Variants in TPR observed in about 807,000 individuals in gnomAD.
The protein encoded by TPR is nucleoprotein TPR.
TPR carries 51 observed loss-of-function variants against 316.1 expected under a neutral mutation model. The observed-to-expected ratio is 0.16, with a 90% CI of 0.13 to 0.20. The LOEUF (loss-of-function observed/expected upper bound fraction) is 0.20. Among genes scored for constraint, TPR ranks in the 10% least tolerant of loss-of-function variants. The pLI, the probability that TPR is intolerant of heterozygous loss-of-function variation, is 1.00. For missense variants in TPR, 2,272 were observed against 2,754.8 expected (o/e 0.82, Z 3.92); for synonymous variants, 981 against 914.7 (o/e 1.07, Z -1.31).
Position 186,360,879 on chromosome 1 carries a change from G to A in TPR, c.985C>T (p.Leu329=). The part of the protein sequence containing the change: ...EANKAIQDHL[L]EVEQSKDQME... ...TGATCTTTGGATTGCTCCACCTCTA[G>A]AAGATGATCTTGTATTGCTTTGTTG... is the stretch of plus-strand genomic sequence containing the variant. The change falls in exon 10 of 51, where the codon CTA becomes TTA. Residue 329 remains leucine (L), a synonymous_variant. Coordinates refer to ENST00000367478, the MANE Select transcript of TPR (RefSeq NM_003292.3). The A allele has an allele frequency of 6.2e-7, 1 of 1,612,418 alleles. No individual in the cohort carries two copies. The highest frequency in any genetic ancestry group is 1.1e-5 in the South Asian group (1 of 91,008).
In TPR at chr1:186,363,365, G is replaced by C. The variant is rs566478841; in HGVS notation, c.508C>G (p.Gln170Glu). The part of the protein sequence containing the change: ...GELQLKLDEL[Q>E]ASDVSVKYRE... ...GCCTTAACAGAAACATCAGAAGCTTGAAGTTCATCCAATTTTAACTGAAGT... is the reference window on the plus strand; with the variant it reads ...GCCTTAACAGAAACATCAGAAGCTTCAAGTTCATCCAATTTTAACTGAAGT... Residue 170 changes from glutamine to glutamate, a missense_variant, in exon 5 of 51, where the codon CAA becomes GAA. Physicochemically the swap from Gln to Glu is conservative, Grantham distance 29 (BLOSUM62 2). Coordinates refer to ENST00000367478, the MANE Select transcript of TPR (RefSeq NM_003292.3). 4 of 1,612,622 alleles carry C rather than the reference G, an allele frequency of 2.5e-6. No individual in the cohort carries two copies. The highest frequency in any genetic ancestry group is 3.4e-6 in the Non-Finnish European group (4 of 1,179,048).
Position 186,312,721 on chromosome 1 carries a change from T to C in TPR, c.*1250A>G. ...AGATGTCTGGCTCTTTCCAAGATAG[T>C]ACATTGCCTTTTAATCTGGTATCTT... On this transcript the variant is annotated 3_prime_UTR_variant, in exon 51 of 51. Transcript: ENST00000367478. 6.3e-7 allele frequency: 1 copy of C among 1,589,998 alleles called. No homozygotes were observed. The highest frequency in any genetic ancestry group is 8.6e-7 in the Non-Finnish European group (1 of 1,158,546).
In TPR at chr1:186,323,827, C is replaced by G; in HGVS notation, c.6156G>C (p.Glu2052Asp). Residue 2052 changes from glutamate to aspartate, a missense_variant, in exon 43 of 51, where the codon GAG (glutamate) becomes GAC (aspartate). Glu to Asp is a conservative substitution (Grantham distance 45, BLOSUM62 2). This residue lies in a region of TPR where 435 missense variants were observed against 461.1 expected (regional missense o/e 0.94). Coordinates refer to ENST00000367478, the MANE Select transcript of TPR (RefSeq NM_003292.3). ...TGAAESSFSQ[E>D]VSREQQPSSA... ...ATGATGGCTGTTGTTCTCTAGAAAC[C>G]TCCTGAGAAAAAGAAGATTCTGCAG... The G allele has an allele frequency of 6.4e-7, 1 of 1,551,026 alleles. No individual in the cohort carries two copies. Among genetic ancestry groups the G allele is most frequent in the Non-Finnish European group, 8.6e-7 (1 of 1,157,714 alleles).
intron 21 of TPR, 47 bp downstream of exon 21, chr1:186,350,176 A>G: frequency 6.8e-7 from 1 of 1,475,740 alleles, no homozygotes; most frequent in Non-Finnish European, 9.1e-7. Flanking sequence ...TAATCCCAAG[A>G]AGTACTTGTT....
At position 186,325,847 on chromosome 1, in the gene TPR, T is replaced by C. The variant is rs1365353419; in HGVS notation, c.6029A>G (p.Asp2010Gly). The change falls in exon 42 of 51, where the codon GAT (aspartate) becomes GGT (glycine). Residue 2010 changes from aspartate to glycine, a missense_variant. Transcript: ENST00000367478. The stretch of plus-strand genomic sequence containing the variant: ...TGTTTCTGTACCTGGATCAGTCCCA[T>C]CACCACCCTAAAAACAAAACGTGGT... Reference protein sequence around the residue: ...GYEADDAEGGDGTDPGTETEE... With the variant: ...GYEADDAEGGGGTDPGTETEE... The C allele has an allele frequency of 6.2e-7, 1 of 1,613,162 alleles. No individual in the cohort carries two copies. Among genetic ancestry groups the C allele is most frequent in the Admixed American group, 1.7e-5 (1 of 59,832 alleles).
chr1:186,318,871 T>C (rs74366715), intron 46 of TPR, 43 bp from the exon 47 acceptor site: 2 of 1,579,586 alleles, frequency 1.3e-6, no homozygotes, highest in Non-Finnish European at 1.7e-6. Context: ...GAAAAAAACA[T>C]AAAATTATCA....
rs1439864185 is a variant in TPR, at chr1:186,327,068, TAA to T, written c.5889+390_5889+391del. Among the ~76,000 whole-genome samples, 29 of 27,780 alleles carry T rather than the reference TAA, an allele frequency of 1.0e-3. 11 individuals carry two copies. The highest frequency in any genetic ancestry group is 3.1e-3 in the African/African-American group (20 of 6,506). 18.2% of individuals were successfully genotyped at this position (27,780 alleles called of 152,430 possible). ...AAATATATAACATATATATTATATA[TAA>T]ATATATATAAATATATAACATATAT... On this transcript the variant is annotated intron_variant, in intron 40 of 50. Coordinates refer to ENST00000367478, the MANE Select transcript of TPR (RefSeq NM_003292.3).
intron 3 of TPR, among the ~76,000 whole-genome samples, chr1:186,370,383 G>T (rs1016135996): frequency 4.6e-5 from 7 of 151,856 alleles, no homozygotes; most frequent in African/African-American, 1.7e-4. Context: ...AGTTTTCTTG[G>T]GTATTGAGTC....
intron 37 of TPR, 46 bp downstream of exon 37, chr1:186,333,076 A>G (rs1558000436): frequency 1.3e-5 from 21 of 1,590,482 alleles, no homozygotes; most frequent in Non-Finnish European, 1.7e-5. Flanking sequence ...TCAAGATCTT[A>G]TAAATGCATA....
intron 5 of TPR, 133 bp downstream of exon 5, chr1:186,363,209 G>A (rs918295526): frequency 3.1e-6 from 3 of 981,372 alleles, no homozygotes; most frequent in Non-Finnish European, 4.5e-6. Context: ...TTGTCCTAAT[G>A]CTTAATTTTC....
rs201544379 is a variant in TPR at position 186,322,503 on chromosome 1, T to C, written c.6366+15A>G. 6.2e-7 allele frequency: 1 copy of C among 1,613,492 alleles called. No homozygotes were observed. On this transcript the variant is annotated intron_variant, in intron 44 of 50. Transcript: ENST00000367478. Reference sequence around the variant, plus strand: ...CAAGAAATGAATTACTTTTACATAATGGGTAAGTACTTACCATGCCACCTA... The same window carrying C: ...CAAGAAATGAATTACTTTTACATAACGGGTAAGTACTTACCATGCCACCTA...
At chr1:186,329,897 G>T (rs1658108313) in intron 39 of TPR, among the ~76,000 whole-genome samples, 1 of 152,090 alleles carries the variant, frequency 6.6e-6, no homozygotes, top group Non-Finnish European at 1.5e-5. Context: ...ACTGTTTCAA[G>T]CTTAGGACAG....
chr1:186,366,400 T>C (rs1217402028), intron 4 of TPR, among the ~76,000 whole-genome samples: 8 of 152,226 alleles, frequency 5.3e-5, no homozygotes, highest in Non-Finnish European at 1.0e-4. Flanking sequence ...GCACAGTATA[T>C]AATACAGATC....
At chr1:186,323,451 T>C (rs892084087) in intron 43 of TPR, among the ~76,000 whole-genome samples, 1 of 152,196 alleles carries the variant, frequency 6.6e-6, no homozygotes, top group Non-Finnish European at 1.5e-5. Flanking sequence ...TTATTTGCTA[T>C]GACTATAACC....
intron 13 of TPR, 120 bp downstream of exon 13, chr1:186,358,423 A>G: frequency 1.4e-6 from 1 of 691,440 alleles, no homozygotes; most frequent in South Asian, 2.1e-5. Flanking sequence ...CTCGAGTACT[A>G]TTCCTAATTA....
intron 35 of TPR, 108 bp downstream of exon 35, chr1:186,334,960 G>A (rs941164422): frequency 8.6e-6 from 10 of 1,156,862 alleles, no homozygotes; most frequent in Non-Finnish European, 1.2e-5. Flanking sequence ...TTTAGTGTAT[G>A]TTTTTACAAT....
Position 186,350,095 on chromosome 1 carries a change from T to G in TPR, c.2776+128A>C, listed in dbSNP as rs115878910. ...ACCACTATATAAAGAAAAAGTTGGG[T>G]TTTTTTTTGTGTTTGTTTCATTTTA... On this transcript the variant is annotated intron_variant, in intron 21 of 50. Coordinates refer to ENST00000367478, the MANE Select transcript of TPR (RefSeq NM_003292.3). The G allele has an allele frequency of 5.4e-4, 498 of 929,692 alleles. 2 individuals carry two copies. The African/African-American group carries it at 6.9e-3, about 13-fold the overall frequency. The allele number at this position is 929,692 out of a possible 1,614,324, so 57.6% of individuals were successfully genotyped here.
chr1:186,362,785 A>G (rs1237744354), intron 6 of TPR, 52 bp downstream of exon 6: 2 of 1,458,832 alleles, frequency 1.4e-6, no homozygotes, highest in East Asian at 2.3e-5. Context: ...AAACTGACAT[A>G]CAAATGTAAG....
rs1208940090 is a variant in TPR at position 186,345,590 on chromosome 1, C to G, written c.3203G>C (p.Cys1068Ser). The G allele has an allele frequency of 1.2e-6, 2 of 1,612,590 alleles. No individual in the cohort carries two copies. The highest frequency in any genetic ancestry group is 2.7e-5 in the African/African-American group (2 of 75,002). Reference protein sequence around the residue: ...LSNEQQARRDCQEQAKIAVEA... With the variant: ...LSNEQQARRDSQEQAKIAVEA... ...ATTGGCTATACTTACTTGTTCCTGA[C>G]AGTCACGTCTGGCTTGCTGCTCATT... is the stretch of plus-strand genomic sequence containing the variant. The change falls in exon 24 of 51, where the codon TGT becomes TCT. Residue 1068 changes from cysteine (C) to serine (S), a missense_variant. Coordinates refer to ENST00000367478, the MANE Select transcript of TPR (RefSeq NM_003292.3).
Sources: allele counts gnomAD v4.1 joint callset (sites outside exome capture counted in the v4.1 genomes callset), GRCh38; gene constraint gnomAD v4.1.1; regional missense constraint gnomAD v4.1.1; transcripts MANE v1.5; gene names NCBI Gene and HGNC (gene_info 2026-07-23, HGNC 2026-07-21).